The following TAX1BP1 variants were observed in gnomAD, a reference collection of about 807,000 sequenced individuals.
The protein encoded by TAX1BP1 is Tax1 binding protein 1.
Under a neutral mutation model 97.7 loss-of-function variants are expected in TAX1BP1, and 62 were observed. The observed-to-expected ratio is 0.63, with a 90% CI of 0.52 to 0.78. The LOEUF is 0.78. Among genes scored for constraint, TAX1BP1 ranks in the 30% least tolerant of loss-of-function variants. The pLI is 0.00. For missense variants in TAX1BP1, 867 were observed against 916.1 expected (o/e 0.95, Z 0.69); for synonymous variants, 340 against 304.2 (o/e 1.12, Z -1.23).
At chr7:27,743,305 T>A (rs10230973) in intron 1 of TAX1BP1, among the ~76,000 whole-genome samples, 26,406 of 152,200 alleles carry the variant, frequency 0.17, 2,739 homozygotes, top group Admixed American at 0.25. Context: ...TTGAGAGTTG[T>A]TAGTCTTTCT....
At chr7:27,820,198 G>C (rs1008544610) in intron 15 of TAX1BP1, among the ~76,000 whole-genome samples, 2 of 152,100 alleles carry the variant, frequency 1.3e-5, no homozygotes, top group Non-Finnish European at 2.9e-5. Flanking sequence ...ATTTCTTAGT[G>C]TTTCTCTTCT....
rs773244092 is a variant in TAX1BP1, at chr7:27,793,054, G to T, written c.1264-12G>T. ...TTTTTATTTTTTTCTTCAAATGTTT[G>T]TTTCTTTCTAGGACAAGACTGATAC... On this transcript the variant is annotated splice_polypyrimidine_tract_variant and intron_variant, in intron 9 of 16. Transcript: ENST00000396319. The T allele has an allele frequency of 6.4e-7, 1 of 1,573,176 alleles. No individual in the cohort carries two copies. The highest frequency in any genetic ancestry group is 8.6e-7 in the Non-Finnish European group (1 of 1,169,582).
At chr7:27,773,353 A>C (rs1373835053) in intron 5 of TAX1BP1, among the ~76,000 whole-genome samples, 1 of 152,086 alleles carries the variant, frequency 6.6e-6, no homozygotes, top group Non-Finnish European at 1.5e-5. Context: ...ATTTTAATGT[A>C]TTTACAAAAT....
chr7:27,815,750 T>G (rs1167534661), intron 13 of TAX1BP1, among the ~76,000 whole-genome samples: 1 of 151,882 alleles, frequency 6.6e-6, no homozygotes, highest in Non-Finnish European at 1.5e-5. Flanking sequence ...TAAGGAGACT[T>G]TTTGGCCGGG....
At chr7:27,799,383 T>C (rs1790049570) in intron 12 of TAX1BP1, among the ~76,000 whole-genome samples, 2 of 152,208 alleles carry the variant, frequency 1.3e-5, no homozygotes, top group Admixed American at 1.3e-4. Flanking sequence ...AGAAGAGCAA[T>C]GTATAAGAAG....
chr7:27,815,639 A>T (rs1790737389), intron 13 of TAX1BP1, among the ~76,000 whole-genome samples: 1 of 152,230 alleles, frequency 6.6e-6, no homozygotes, highest in South Asian at 2.1e-4. Context: ...CTGGCTTTGT[A>T]AAACAAGTTA....
intron 10 of TAX1BP1, among the ~76,000 whole-genome samples, chr7:27,793,796 A>G (rs1789808640): frequency 6.6e-6 from 1 of 152,216 alleles, no homozygotes; most frequent in African/African-American, 2.4e-5. Flanking sequence ...TACAAGGCTT[A>G]CTATCTGAGG....
At chr7:27,757,175 A>C (rs1788253304) in intron 2 of TAX1BP1, among the ~76,000 whole-genome samples, 1 of 152,124 alleles carries the variant, frequency 6.6e-6, no homozygotes, top group African/African-American at 2.4e-5. Context: ...CTGATGCATA[A>C]ATTTTTGTAA....
chr7:27,801,868 G>A (rs1171812183), intron 13 of TAX1BP1, among the ~76,000 whole-genome samples: 2 of 152,196 alleles, frequency 1.3e-5, no homozygotes, highest in Non-Finnish European at 2.9e-5. Flanking sequence ...GGCAAAATGT[G>A]ATAAAGCTCC....
rs1253849287 is a variant in TAX1BP1 at position 27,769,877 on chromosome 7, T to G, written c.612+43T>G. The G allele has an allele frequency of 2.5e-6, 4 of 1,582,848 alleles. No homozygotes were observed. In the East Asian group the frequency reaches 9.0e-5, roughly 36 times the overall value. ...TAACTGATTGAAGTTGATAGTATAT[T>G]GCCTGAAACCCACCTTTTTAAAGAG... On this transcript the variant is annotated intron_variant, in intron 5 of 16. Coordinates refer to ENST00000396319, the MANE Select transcript of TAX1BP1 (RefSeq NM_006024.7).
At chr7:27,789,621 A>G (rs373833899) in intron 8 of TAX1BP1, among the ~76,000 whole-genome samples, 28 of 152,052 alleles carry the variant, frequency 1.8e-4, no homozygotes, top group African/African-American at 6.0e-4. Context: ...TAGTTACTCC[A>G]TATCAGTTTG....
In TAX1BP1 at chr7:27,793,902, G is replaced by C. The variant is rs1009407254; in HGVS notation, c.1411-421G>C. The stretch of plus-strand genomic sequence containing the variant: ...TATGTGATGCATATGATACTTTCCT[G>C]GTCCTACTTTTTTAAATCAGAGGAG... On this transcript the variant is annotated intron_variant, in intron 10 of 16. Coordinates refer to ENST00000396319, the MANE Select transcript of TAX1BP1 (RefSeq NM_006024.7). Among the ~76,000 whole-genome samples the C allele has an allele frequency of 5.3e-5, 8 of 152,248 alleles. No individual in the cohort carries two copies. In the East Asian group the frequency reaches 1.5e-3, roughly 29 times the overall value.
intron 5 of TAX1BP1, among the ~76,000 whole-genome samples, chr7:27,770,163 A>G (rs922870295): frequency 3.9e-5 from 6 of 152,026 alleles, no homozygotes; most frequent in Admixed American, 6.6e-5. Flanking sequence ...TAAACGCTGA[A>G]TAAAGGAAAA....
chr7:27,810,219 T>C lies in TAX1BP1; in HGVS notation c.1765-6130T>C, dbSNP rs535344867. ...ACCACGCACAGCCCTTTTTTTTTTT[T>C]TGAATCGTGTTTGAAATGTTTCTTG... On this transcript the variant is annotated intron_variant, in intron 13 of 16. Transcript: ENST00000396319. Among the ~76,000 whole-genome samples, 68 of 152,202 alleles carry C rather than the reference T, an allele frequency of 4.5e-4. 1 individual carries two copies. Among genetic ancestry groups the C allele is most frequent in the Non-Finnish European group, 4.4e-5 (3 of 67,998 alleles).
At chr7:27,769,525 A>G in intron 4 of TAX1BP1, 151 bp from the exon 5 acceptor site, 2 of 589,396 alleles carry the variant, frequency 3.4e-6, no homozygotes, top group African/African-American at 1.9e-5. Flanking sequence ...TGAAGGCTAA[A>G]AAAAGGCTGA....
intron 13 of TAX1BP1, among the ~76,000 whole-genome samples, chr7:27,809,620 C>T (rs1790475719): frequency 6.6e-6 from 1 of 152,102 alleles, no homozygotes; most frequent in Non-Finnish European, 1.5e-5. Context: ...TCTCTGTCCC[C>T]CATGAGGAAT....
In TAX1BP1 at chr7:27,769,934, C is replaced by A. The variant is rs1788783487; in HGVS notation, c.612+100C>A. The A allele has an allele frequency of 8.5e-6, 10 of 1,172,644 alleles. No homozygotes were observed. In the Admixed American group the frequency reaches 2.1e-4, roughly 25 times the overall value. The allele number at this position is 1,172,644 out of a possible 1,614,324, so 72.6% of individuals were successfully genotyped here. A position where few individuals can be genotyped will look rare whatever the true frequency, so the allele number is the denominator to read the frequency against. On this transcript the variant is annotated intron_variant, in intron 5 of 16. Coordinates refer to ENST00000396319, the MANE Select transcript of TAX1BP1 (RefSeq NM_006024.7). ...CAATTAAGTAAGTGAAAACCAGGTA[C>A]TGAGAAAAGTAGCCTTTTAGATAGA...
chr7:27,815,660 C>T (rs933948159), intron 13 of TAX1BP1, among the ~76,000 whole-genome samples: 9 of 151,992 alleles, frequency 5.9e-5, no homozygotes, highest in African/African-American at 2.2e-4. Flanking sequence ...GGAAATGTTT[C>T]TTTGTGTTTT....
At chr7:27,762,804 T>C (rs1236242067) in intron 3 of TAX1BP1, among the ~76,000 whole-genome samples, 1 of 152,006 alleles carries the variant, frequency 6.6e-6, no homozygotes, top group Middle Eastern at 3.2e-3. Flanking sequence ...CCCCCAAAAT[T>C]AGCCAGGCAT....
Sources: allele counts gnomAD v4.1 joint callset (sites outside exome capture counted in the v4.1 genomes callset), GRCh38; gene constraint gnomAD v4.1.1; transcripts MANE v1.5; gene names NCBI Gene and HGNC (gene_info 2026-07-23, HGNC 2026-07-21).